Variants in PHRF1 observed in about 807,000 individuals in gnomAD.
PHRF1 encodes the protein PHD and ring finger domains 1.
PHRF1 carries 53 observed loss-of-function variants against 128.9 expected under a neutral mutation model. That is an observed-to-expected ratio of 0.41 (90% confidence interval 0.33 to 0.52). The LOEUF is 0.52. Ranked by LOEUF, PHRF1 falls within the 20% of genes least tolerant of loss-of-function variation. The probability of loss-of-function intolerance (pLI) is 0.21; values close to 1 mark genes in which losing one functional copy is unlikely to be tolerated. For missense variants in PHRF1, 2,503 were observed against 2,284.5 expected, an observed-to-expected ratio of 1.10 and a Z score of -1.95; for synonymous variants, 1,178 against 980.6, an observed-to-expected ratio of 1.20 and a Z score of -3.76.
chr11:606,793 CTTCATG>C (rs1246761679), intron 13 of PHRF1, 197 bp downstream of exon 13: 7 of 915,348 alleles, frequency 7.6e-6, no homozygotes, highest in Admixed American at 3.0e-5. Flanking sequence ...AGCCCCACAG[CTTCATG>C]TTCATAAGAA....
chr11:599,253 CTTT>C (rs754658303), intron 9 of PHRF1, among the ~76,000 whole-genome samples: 3 of 104,974 alleles, frequency 2.9e-5, no homozygotes, highest in African/African-American at 7.8e-5. Flanking sequence ...TTTTTCTTTT[CTTT>C]TTTTTTTTTT....
intron 4 of PHRF1, among the ~76,000 whole-genome samples, chr11:589,574 C>CA (rs1554904601): frequency 7.3e-4 from 65 of 89,490 alleles, no homozygotes; most frequent in East Asian, 3.0e-3. Flanking sequence ...TGGACACACT[C>CA]GGGGGGGCAG....
At chr11:595,373 T>C (rs1443084898) in intron 6 of PHRF1, among the ~76,000 whole-genome samples, 2 of 152,196 alleles carry the variant, frequency 1.3e-5, no homozygotes, top group Admixed American at 6.5e-5. Flanking sequence ...AGTTTCTGAT[T>C]TTTTTCTTTT....
chr11:601,020 A>G (rs916606605), intron 9 of PHRF1, among the ~76,000 whole-genome samples: 2 of 151,944 alleles, frequency 1.3e-5, no homozygotes, highest in African/African-American at 4.8e-5. Context: ...GTGTGGTGGC[A>G]CATGCCTGTA....
At position 607,956 on chromosome 11, in the gene PHRF1, G is replaced by A. The variant is rs766638984; in HGVS notation, c.2500G>A (p.Asp834Asn). ...GCGGAGCGAGGTCTACGACCCATCC[G>A]ACCCCACCGGCTCCGACTCCAGCGC... ...QLRSEVYDPS[D>N]PTGSDSSAPG... is the part of the protein sequence containing the mutation. Residue 834 changes from aspartate to asparagine, a missense_variant, in exon 14 of 18, where the codon GAC (aspartate) becomes AAC (asparagine). By Grantham distance (23) the Asp-to-Asn change is conservative (BLOSUM62 1). Coordinates refer to ENST00000264555, the MANE Select transcript of PHRF1 (RefSeq NM_001286581.2). The A allele has an allele frequency of 1.1e-5, 17 of 1,611,814 alleles. No individual in the cohort carries two copies. The highest frequency in any genetic ancestry group is 4.0e-5 in the African/African-American group (3 of 74,862).
intron 1 of PHRF1, among the ~76,000 whole-genome samples, chr11:576,926 C>T (rs1853887273): frequency 6.6e-6 from 1 of 150,976 alleles, no homozygotes; most frequent in Non-Finnish European, 1.5e-5. Flanking sequence ...ACTGGGAGGC[C>T]CGTGGCCTGC....
intron 1 of PHRF1, among the ~76,000 whole-genome samples, chr11:578,888 G>A (rs1854043631): frequency 6.6e-6 from 1 of 151,916 alleles, no homozygotes. Flanking sequence ...GTCTCACTCT[G>A]TCGCCCAGTG....
intron 16 of PHRF1, 51 bp downstream of exon 16, chr11:610,812 C>G: frequency 6.3e-7 from 1 of 1,588,710 alleles, no homozygotes. Flanking sequence ...TACTTTGAAA[C>G]TAAAGTTGTT....
rs368956303 is a variant in PHRF1, at chr11:609,733, C to G, written c.4264+13C>G. The G allele has an allele frequency of 8.6e-5, 124 of 1,442,104 alleles. No individual in the cohort carries two copies. The highest frequency in any genetic ancestry group is 1.0e-4 in the Non-Finnish European group (115 of 1,096,594). The allele number at this position is 1,442,104 out of a possible 1,614,324, so 89.3% of individuals were successfully genotyped here. On this transcript the variant is annotated intron_variant, in intron 14 of 17. Transcript: ENST00000264555. ...GACAGAGCCCCCCGTGAGTAGTGCC[C>G]CGGCCCCCACCGAGGACAGAGCCCC...
At chr11:592,453 T>A in intron 5 of PHRF1, 106 bp from the exon 6 acceptor site, 2 of 1,134,660 alleles carry the variant, frequency 1.8e-6, no homozygotes, top group Non-Finnish European at 2.7e-6. Flanking sequence ...AGCCCAAATA[T>A]GAATCTAAGG....
intron 9 of PHRF1, among the ~76,000 whole-genome samples, chr11:599,674 A>C (rs1446297383): frequency 6.6e-6 from 1 of 152,138 alleles, no homozygotes; most frequent in Non-Finnish European, 1.5e-5. Flanking sequence ...CTTCAGCCCC[A>C]CCAGCAGCCC....
At chr11:585,754 C>G (rs1029128212) in intron 3 of PHRF1, among the ~76,000 whole-genome samples, 1 of 149,062 alleles carries the variant, frequency 6.7e-6, no homozygotes, top group Non-Finnish European at 1.5e-5. Flanking sequence ...GATCTCAGTT[C>G]ACTGCAAGCT....
Position 592,635 on chromosome 11 carries a change from G to A in PHRF1, c.581G>A (p.Arg194His), listed in dbSNP as rs570207828. 204 of 1,614,074 alleles carry A rather than the reference G, an allele frequency of 1.3e-4. 1 individual carries two copies. The highest frequency in any genetic ancestry group is 9.9e-4 in the Middle Eastern group (6 of 6,062). The change falls in exon 6 of 18, where the codon CGT becomes CAT. Residue 194 changes from arginine to histidine, a missense_variant. Transcript: ENST00000264555. ...TFCEVCGRSD[R>H]EDRLLLCDGC... Reference sequence around the variant, plus strand: ...TGTGAGGTGTGCGGCAGGAGCGACCGTGAGGACAGGCTTTTGCTCTGCGAC... The same window carrying A: ...TGTGAGGTGTGCGGCAGGAGCGACCATGAGGACAGGCTTTTGCTCTGCGAC...
At position 585,629 on chromosome 11, in the gene PHRF1, TCCAGC is replaced by T. The variant is rs1564841275; in HGVS notation, c.215-1629_215-1625del. Among the ~76,000 whole-genome samples, 137 of 111,722 alleles carry T rather than the reference TCCAGC, an allele frequency of 1.2e-3. 38 individuals are homozygous for T. The highest frequency in any genetic ancestry group is 1.5e-3 in the African/African-American group (45 of 30,598). The allele number at this position is 111,722 out of a possible 152,430, so 73.3% of individuals were successfully genotyped here. ...TTTCCAGCTTGAGGTAGTAGCCCTT[TCCAGC>T]TTGAGGTAGTAGCCCTTTCCAGCTT... On this transcript the variant is annotated intron_variant, in intron 3 of 17. Coordinates refer to ENST00000264555, the MANE Select transcript of PHRF1 (RefSeq NM_001286581.2).
chr11:603,630 G>C (rs1589892201), intron 10 of PHRF1, among the ~76,000 whole-genome samples: 1 of 150,114 alleles, frequency 6.7e-6, no homozygotes, highest in South Asian at 2.1e-4. Flanking sequence ...CGCCAAGTCT[G>C]CTGCATCTTT....
rs374478171 is a variant in PHRF1, at chr11:611,663, C to T, written c.4836C>T (p.Asn1612=). The T allele has an allele frequency of 8.9e-5, 144 of 1,613,064 alleles. No individual in the cohort carries two copies. The highest frequency in any genetic ancestry group is 1.2e-4 in the Non-Finnish European group (136 of 1,179,860). ...GCCACAGCAAGAGTGGAGAGATCAACCCCGTGAAGGTGGCCAACCTGGTGA... is the reference window on the plus strand; with the variant it reads ...GCCACAGCAAGAGTGGAGAGATCAATCCCGTGAAGGTGGCCAACCTGGTGA... ...KICHSKSGEI[N]PVKVANLVKA... The change falls in exon 18 of 18, where the codon AAC becomes AAT. Residue 1612 remains asparagine, a synonymous_variant. Transcript: ENST00000264555.
chr11:608,012 C>T lies in PHRF1; in HGVS notation c.2556C>T (p.Pro852=), dbSNP rs763023941. 3.4e-5 allele frequency: 54 copies of T among 1,611,134 alleles called. No individual in the cohort carries two copies. Among genetic ancestry groups the T allele is most frequent in the East Asian group, 2.0e-4 (9 of 44,868 alleles). Residue 852 remains proline, a synonymous_variant, in exon 14 of 18, where the codon CCC becomes CCT. Transcript: ENST00000264555. Reference sequence around the variant, plus strand: ...GCAGCAGCCCCGAGAGGTCTGGCCCCGGCCTCCTGCCCTCTGAGATCACAC... The same window carrying T: ...GCAGCAGCCCCGAGAGGTCTGGCCCTGGCCTCCTGCCCTCTGAGATCACAC... ...APGSSPERSG[P]GLLPSEITRT...
rs1856446514 is a variant in PHRF1 at position 612,114 on chromosome 11, C to A, written c.*337C>A. 2 of 367,058 alleles carry A rather than the reference C, an allele frequency of 5.4e-6. No individual in the cohort carries two copies. Among genetic ancestry groups the A allele is most frequent in the Non-Finnish European group, 9.9e-6 (2 of 202,540 alleles). The allele number at this position is 367,058 out of a possible 1,614,324, so 22.7% of individuals were successfully genotyped here. On this transcript the variant is annotated 3_prime_UTR_variant, in exon 18 of 18. Transcript: ENST00000264555. ...TAAAGCACTTGGTGATCAAGAGGGG[C>A]TCCTGGTGGGGTGGCGCGTCCTTGA...
intron 10 of PHRF1, among the ~76,000 whole-genome samples, chr11:603,734 T>G (rs1216475297): frequency 1.2e-4 from 17 of 143,312 alleles, no homozygotes; most frequent in African/African-American, 1.8e-4. Context: ...AGTTTGTTTT[T>G]TTTTTTTTTT....
Sources: allele counts gnomAD v4.1 joint callset (sites outside exome capture counted in the v4.1 genomes callset), GRCh38; gene constraint gnomAD v4.1.1; transcripts MANE v1.5; gene names NCBI Gene and HGNC (gene_info 2026-07-23, HGNC 2026-07-21).